Variants in ZNF131 observed in about 807,000 individuals in gnomAD.
ZNF131 encodes zinc finger protein 131.
Under a neutral mutation model 60.0 loss-of-function variants are expected in ZNF131, and 7 were observed. The ratio of observed to expected loss-of-function variants is 0.12; its 90% confidence interval spans 0.07 to 0.22. The LOEUF is 0.22. Ranked by LOEUF, ZNF131 falls within the 10% of genes least tolerant of loss-of-function variation. ZNF131 has a pLI of 1.00. For missense variants in ZNF131, 493 were observed against 740.9 expected (o/e 0.67, Z 3.88); for synonymous variants, 257 against 253.2 (o/e 1.01, Z -0.14).
At chr5:43,126,374 G>A (rs979179008) in intron 3 of ZNF131, among the ~76,000 whole-genome samples, 7 of 152,266 alleles carry the variant, frequency 4.6e-5, no homozygotes, top group African/African-American at 1.4e-4. Context: ...CAAAACCTTC[G>A]TATTGCTGTT....
In ZNF131 at chr5:43,175,637, A is replaced by G. The variant is rs1466997621; in HGVS notation, c.*504A>G. 7.7e-6 allele frequency: 4 copies of G among 517,562 alleles called. No homozygotes were observed. Among genetic ancestry groups the G allele is most frequent in the African/African-American group, 2.0e-5 (1 of 50,204 alleles). 32.1% of individuals were successfully genotyped at this position (517,562 alleles called of 1,614,324 possible). Reference sequence around the variant, plus strand: ...TGGCTTCTGGCTTTCTTTAGTTTGAACAAACGTTCTTGTCTACCCCAGTAG... The same window carrying G: ...TGGCTTCTGGCTTTCTTTAGTTTGAGCAAACGTTCTTGTCTACCCCAGTAG... On this transcript the variant is annotated 3_prime_UTR_variant, in exon 7 of 7. Coordinates refer to ENST00000682664, the MANE Select transcript of ZNF131 (RefSeq NM_001330707.2).
At chr5:43,149,942 T>G (rs1436996693) in intron 4 of ZNF131, among the ~76,000 whole-genome samples, 1 of 152,196 alleles carries the variant, frequency 6.6e-6, no homozygotes, top group Admixed American at 6.5e-5. Context: ...GTAGTAACTT[T>G]TTAGCTAACA....
chr5:43,140,945 C>T (rs1746743781), intron 4 of ZNF131, among the ~76,000 whole-genome samples: 1 of 152,092 alleles, frequency 6.6e-6, no homozygotes. Context: ...TCTCAAACTC[C>T]CAACCTTAAG....
At chr5:43,165,400 C>G (rs1279342695) in intron 5 of ZNF131, among the ~76,000 whole-genome samples, 1 of 152,094 alleles carries the variant, frequency 6.6e-6, no homozygotes, top group Non-Finnish European at 1.5e-5. Context: ...CTTAATAAGA[C>G]TGGAAAGTCA....
intron 3 of ZNF131, among the ~76,000 whole-genome samples, chr5:43,138,484 C>G (rs1379442649): frequency 6.6e-6 from 1 of 152,118 alleles, no homozygotes; most frequent in African/African-American, 2.4e-5. Flanking sequence ...GAAACCCCAT[C>G]TCTACTAAAA....
At position 43,161,299 on chromosome 5, in the gene ZNF131, A is replaced by G. The variant is rs920137616; in HGVS notation, c.422A>G (p.Glu141Gly). ...GAGGAAAATACCACAGGAAAAAATGAGGCCAAAAAAAGGAAGATTGCAGAA... is the reference window on the plus strand; with the variant it reads ...GAGGAAAATACCACAGGAAAAAATGGGGCCAAAAAAAGGAAGATTGCAGAA... ...PLEENTTGKN[E>G]AKKRKIAETS... The change falls in exon 5 of 7, where the codon GAG becomes GGG. Residue 141 changes from glutamate (E) to glycine (G), a missense_variant. Transcript: ENST00000682664. The G allele has an allele frequency of 3.7e-6, 6 of 1,613,238 alleles. No individual in the cohort carries two copies. Among genetic ancestry groups the G allele is most frequent in the Non-Finnish European group, 5.1e-6 (6 of 1,179,840 alleles).
intron 4 of ZNF131, among the ~76,000 whole-genome samples, chr5:43,149,050 C>T (rs948328466): frequency 1.3e-5 from 2 of 152,152 alleles, no homozygotes; most frequent in African/African-American, 4.8e-5. Context: ...CAGGCCGAGG[C>T]GAGCAAATCA....
At chr5:43,128,572 G>T (rs1744859819) in intron 3 of ZNF131, among the ~76,000 whole-genome samples, 1 of 150,362 alleles carries the variant, frequency 6.7e-6, no homozygotes, top group Non-Finnish European at 1.5e-5. Context: ...CAGGAGAATG[G>T]TGTGAACCTG....
intron 4 of ZNF131, among the ~76,000 whole-genome samples, chr5:43,154,460 C>T (rs13167690): frequency 0.079 from 12,003 of 152,052 alleles, 652 homozygotes; most frequent in Non-Finnish European, 0.12. Flanking sequence ...TGGTGAAGCA[C>T]CACTGATAGC....
rs191852861 is a variant in ZNF131 at position 43,147,676 on chromosome 5, C to T, written c.371+8367C>T. ...GACCTCGTGATCCACCTGCCTCGGC[C>T]TCCCAAAGTGCTGGGATTACAGGCG... is the stretch of plus-strand genomic sequence containing the variant. On this transcript the variant is annotated intron_variant, in intron 4 of 6. Coordinates refer to ENST00000682664, the MANE Select transcript of ZNF131 (RefSeq NM_001330707.2). Among the ~76,000 whole-genome samples, 712 of 151,070 alleles carry T rather than the reference C, an allele frequency of 4.7e-3. 5 individuals are homozygous for T. The highest frequency in any genetic ancestry group is 0.017 in the African/African-American group (692 of 41,306).
intron 4 of ZNF131, among the ~76,000 whole-genome samples, chr5:43,151,496 G>A (rs1405156709): frequency 6.6e-6 from 1 of 151,546 alleles, no homozygotes; most frequent in Non-Finnish European, 1.5e-5. Context: ...GTGCAGTGAC[G>A]CAATCTCAGT....
chr5:43,130,264 C>CAAAAAAAAAAAAAAAA (rs570313526), intron 3 of ZNF131, among the ~76,000 whole-genome samples: 27 of 68,386 alleles, frequency 3.9e-4, no homozygotes, highest in South Asian at 8.3e-4. Flanking sequence ...ACTCTGTCTC[C>CAAAAAAAAAAAAAAAA]AAAAAAAAAA....
In ZNF131 at chr5:43,174,965, C is replaced by T. The variant is rs1201389870; in HGVS notation, c.1704C>T (p.Thr568=). Residue 568 remains threonine (T), a synonymous_variant, in exon 7 of 7, where the codon ACC becomes ACT. Coordinates refer to ENST00000682664, the MANE Select transcript of ZNF131 (RefSeq NM_001330707.2). ...TAGAAGCAGATTTGGACCACGTGAC[C>T]CCAGAAATCATGAACCAAGAGGAGA... is the stretch of plus-strand genomic sequence containing the variant. ...ELLEADLDHV[T]PEIMNQEERE... is the part of the protein sequence containing the mutation. The T allele has an allele frequency of 1.2e-6, 2 of 1,613,986 alleles. No individual in the cohort carries two copies. The highest frequency in any genetic ancestry group is 8.5e-7 in the Non-Finnish European group (1 of 1,180,032).
At chr5:43,159,720 A>C (rs1394130354) in intron 4 of ZNF131, among the ~76,000 whole-genome samples, 1 of 151,428 alleles carries the variant, frequency 6.6e-6, no homozygotes, top group Non-Finnish European at 1.5e-5. Context: ...AAAACCAAAC[A>C]AAAAATTTGA....
Position 43,163,082 on chromosome 5 carries a change from C to T in ZNF131, c.1054+1151C>T, listed in dbSNP as rs142554193. 5.2e-3 allele frequency among the ~76,000 whole-genome samples: 735 copies of T among 141,422 alleles called. 7 individuals are homozygous for T. Among genetic ancestry groups the T allele is most frequent in the African/African-American group, 0.018 (704 of 38,578 alleles). The allele number at this position is 141,422 out of a possible 152,430, so 92.8% of individuals were successfully genotyped here. A position where few individuals can be genotyped will look rare whatever the true frequency, so the allele number is the denominator to read the frequency against. ...CGCCTCCCGGGTTCAAGCGATTCTT[C>T]TGCCTCAGCCTCCTGAGTAAGCTGG... On this transcript the variant is annotated intron_variant, in intron 5 of 6. Coordinates refer to ENST00000682664, the MANE Select transcript of ZNF131 (RefSeq NM_001330707.2).
At chr5:43,158,093 C>T (rs1376500414) in intron 4 of ZNF131, among the ~76,000 whole-genome samples, 1 of 152,010 alleles carries the variant, frequency 6.6e-6, no homozygotes, top group Admixed American at 6.6e-5. Context: ...CTCAGCCTCC[C>T]GAGGAGCTGG....
At chr5:43,136,724 T>G (rs1746167947) in intron 3 of ZNF131, among the ~76,000 whole-genome samples, 1 of 149,034 alleles carries the variant, frequency 6.7e-6, no homozygotes, top group African/African-American at 2.5e-5. Context: ...TGACCTCAGG[T>G]GATCCACCAG....
In ZNF131 at chr5:43,122,080, C is replaced by T. The variant is rs1743926082; in HGVS notation, c.27C>T (p.Cys9=). 1 of 1,614,022 alleles carries T rather than the reference C, an allele frequency of 6.2e-7. No homozygotes were observed. Among genetic ancestry groups the T allele is most frequent in the South Asian group, 1.1e-5 (1 of 91,068 alleles). Residue 9 remains cysteine, a synonymous_variant, in exon 2 of 7, where the codon TGC becomes TGT. Coordinates refer to ENST00000682664, the MANE Select transcript of ZNF131 (RefSeq NM_001330707.2). MEAEETME[C]LQEFPEHHKM... ...TGGAGGCTGAAGAGACGATGGAATG[C>T]CTTCAGGAGTTCCCTGAACATCATA... is the stretch of plus-strand genomic sequence containing the variant.
intron 3 of ZNF131, among the ~76,000 whole-genome samples, chr5:43,127,412 T>G (rs1744691065): frequency 6.6e-6 from 1 of 152,186 alleles, no homozygotes; most frequent in African/African-American, 2.4e-5. Context: ...ATTTGGAAAC[T>G]TGTTAGAAAT....
Sources: gnomAD v4.1 joint callset for allele counts (sites outside exome capture counted in the v4.1 genomes callset) on GRCh38, gnomAD v4.1.1 for gene constraint, MANE v1.5 for transcripts, NCBI Gene and HGNC (gene_info 2026-07-23, HGNC 2026-07-21) for gene names.